The following LAMC1 variants were observed in gnomAD, a reference collection of about 807,000 sequenced individuals.
LAMC1 encodes laminin subunit gamma-1.
Under a neutral mutation model 173.6 loss-of-function variants are expected in LAMC1, and 38 were observed. The ratio of observed to expected loss-of-function variants is 0.22; its 90% CI spans 0.17 to 0.29. The LOEUF is 0.29. LAMC1 is among the 10% of genes least tolerant of loss of function. The pLI is 1.00. For synonymous variants in LAMC1, 746 were observed against 749.1 expected, an observed-to-expected ratio of 1.00 and a Z score of 0.07; for missense variants, 1,824 against 2,051.8, an observed-to-expected ratio of 0.89 and a Z score of 2.14.
At chr1:183,098,302 T>G (rs1219244618) in intron 1 of LAMC1, among the ~76,000 whole-genome samples, 1 of 152,214 alleles carries the variant, frequency 6.6e-6, no homozygotes, top group African/African-American at 2.4e-5. Flanking sequence ...AGTGTTCCAG[T>G]TCTGGTTGTA....
chr1:183,080,453 C>A (rs1189510057), intron 1 of LAMC1, among the ~76,000 whole-genome samples: 1 of 152,098 alleles, frequency 6.6e-6, no homozygotes, highest in African/African-American at 2.4e-5. Flanking sequence ...TGGGGTGGGG[C>A]AGGGTGAGGT....
In LAMC1 at chr1:183,136,426, G is replaced by C. The variant is rs375763700; in HGVS notation, c.4155G>C (p.Glu1385Asp). The C allele has an allele frequency of 5.4e-5, 87 of 1,614,082 alleles. No individual in the cohort carries two copies. Among genetic ancestry groups the C allele is most frequent in the Non-Finnish European group, 7.1e-5 (84 of 1,180,052 alleles). ...RRVNDNKTAA[E>D]EALRKIPAIN... Reference sequence around the variant, plus strand: ...TGAACGATAACAAGACGGCCGCAGAGGAGGCACTAAGGAAGATTCCTGCCA... The same window carrying C: ...TGAACGATAACAAGACGGCCGCAGACGAGGCACTAAGGAAGATTCCTGCCA... The change falls in exon 25 of 28, where the codon GAG becomes GAC. Residue 1385 changes from glutamate to aspartate, a missense_variant. Glu to Asp is a conservative substitution (Grantham distance 45). Coordinates refer to ENST00000258341, the MANE Select transcript of LAMC1 (RefSeq NM_002293.4).
chr1:183,117,582 T>C lies in LAMC1; in HGVS notation c.1736T>C (p.Phe579Ser), dbSNP rs138440968. ...QVLSYGQNLS[F>S]SFRVDRRDTR... is the part of the protein sequence containing the mutation. Reference sequence around the variant, plus strand: ...TTGAGTTATGGTCAGAACCTCTCCTTCTCCTTTCGAGTGGACAGGCGAGAT... The same window carrying C: ...TTGAGTTATGGTCAGAACCTCTCCTCCTCCTTTCGAGTGGACAGGCGAGAT... The change falls in exon 10 of 28, where the codon TTC becomes TCC. Residue 579 changes from phenylalanine to serine, a missense_variant. Transcript: ENST00000258341. The C allele has an allele frequency of 2.5e-6, 4 of 1,614,032 alleles. No individual in the cohort carries two copies. The African/African-American group carries it at 4.0e-5, about 16-fold the overall frequency.
At chr1:183,062,315 G>T (rs1407528164) in intron 1 of LAMC1, among the ~76,000 whole-genome samples, 1 of 152,142 alleles carries the variant, frequency 6.6e-6, no homozygotes, top group Non-Finnish European at 1.5e-5. Flanking sequence ...AACTTTAATA[G>T]CTTTTTAAAT....
chr1:183,105,620 T>A (rs912194924), intron 2 of LAMC1, among the ~76,000 whole-genome samples: 2 of 135,078 alleles, frequency 1.5e-5, no homozygotes, highest in African/African-American at 5.2e-5. Context: ...ATGCTATGGG[T>A]TATGACCTTG....
intron 1 of LAMC1, among the ~76,000 whole-genome samples, chr1:183,073,855 T>A (rs1343766831): frequency 1.3e-5 from 2 of 152,204 alleles, no homozygotes; most frequent in African/African-American, 4.8e-5. Context: ...CAGCTGTGTT[T>A]AGTATGCTTA....
At chr1:183,056,032 T>G (rs1654585859) in intron 1 of LAMC1, among the ~76,000 whole-genome samples, 2 of 152,200 alleles carry the variant, frequency 1.3e-5, no homozygotes. Context: ...ATTTTTATAT[T>G]TCAGTCCTCT....
At chr1:183,140,254 A>AAAAAAAAAG in intron 26 of LAMC1, 150 bp from the exon 27 acceptor site, 1 of 431,826 alleles carries the variant, frequency 2.3e-6, no homozygotes, top group Non-Finnish European at 4.1e-6. Context: ...CCAAAAAAAA[A>AAAAAAAAAG]AAAAAAAAAA....
chr1:183,041,462 T>G (rs564240514), intron 1 of LAMC1, among the ~76,000 whole-genome samples: 99 of 152,312 alleles, frequency 6.5e-4, no homozygotes, highest in Non-Finnish European at 8.8e-4. Context: ...GCACTTGCCT[T>G]TATGTCATTT....
chr1:183,116,741 A>G (rs1656334834), intron 7 of LAMC1, 26 bp from the exon 8 acceptor site: 1 of 1,612,922 alleles, frequency 6.2e-7, no homozygotes, highest in Non-Finnish European at 8.5e-7. Context: ...AAAAAAAGTA[A>G]CTGATTGTGT....
In LAMC1 at chr1:183,122,861, C is replaced by T. The variant is rs138593432; in HGVS notation, c.2401+610C>T. On this transcript the variant is annotated intron_variant, in intron 13 of 27. Transcript: ENST00000258341. The stretch of plus-strand genomic sequence containing the variant: ...ATGAGCCAAATCAGCTCCTGGTAGG[C>T]CTTCTCCAAACAGCTCTTTTTGCCT... Among the ~76,000 whole-genome samples, 4 of 152,200 alleles carry T rather than the reference C, an allele frequency of 2.6e-5. No homozygotes were observed. In the East Asian group the frequency reaches 7.7e-4, roughly 29 times the overall value.
At chr1:183,129,922 G>GT (rs1162782014) in intron 18 of LAMC1, among the ~76,000 whole-genome samples, 1 of 152,122 alleles carries the variant, frequency 6.6e-6, no homozygotes, top group Non-Finnish European at 1.5e-5. Context: ...TTTAAACCTA[G>GT]TTTTTTCTGG....
At chr1:183,077,881 A>G (rs1329311497) in intron 1 of LAMC1, among the ~76,000 whole-genome samples, 2 of 150,990 alleles carry the variant, frequency 1.3e-5, no homozygotes, top group Non-Finnish European at 1.5e-5. Flanking sequence ...TTGTGCTGTT[A>G]TAAAACTGAT....
chr1:183,064,057 A>G (rs1159753319), intron 1 of LAMC1, among the ~76,000 whole-genome samples: 1 of 152,202 alleles, frequency 6.6e-6, no homozygotes, highest in East Asian at 1.9e-4. Flanking sequence ...CAAAGTGGGT[A>G]AACTTTATTA....
chr1:183,115,208 G>A (rs10911252), intron 5 of LAMC1, among the ~76,000 whole-genome samples: 3,861 of 152,198 alleles, frequency 0.025, 156 homozygotes, highest in African/African-American at 0.085. Context: ...GCCTTAAGGG[G>A]CTGTGATCAC....
chr1:183,103,536 C>T lies in LAMC1; in HGVS notation c.627C>T (p.Phe209=). Residue 209 remains phenylalanine, a synonymous_variant, in exon 2 of 28, where the codon TTC becomes TTT. Coordinates refer to ENST00000258341, the MANE Select transcript of LAMC1 (RefSeq NM_002293.4). ...DEQQALCTDE[F]SDISPLTGGN... is the part of the protein sequence containing the mutation. ...AGCAGGCCTTGTGTACTGATGAATT[C>T]AGTGACATTTCTCCCCTCACTGGGG... 6.2e-7 allele frequency: 1 copy of T among 1,613,916 alleles called. No homozygotes were observed. The highest frequency in any genetic ancestry group is 8.5e-7 in the Non-Finnish European group (1 of 1,179,860).
At chr1:183,057,658 G>A (rs185674397) in intron 1 of LAMC1, among the ~76,000 whole-genome samples, 7 of 152,204 alleles carry the variant, frequency 4.6e-5, no homozygotes, top group African/African-American at 1.7e-4. Context: ...CTACTCAGGA[G>A]GCTGAGGCAG....
intron 1 of LAMC1, among the ~76,000 whole-genome samples, chr1:183,065,841 G>C (rs1189238604): frequency 1.3e-5 from 2 of 152,172 alleles, no homozygotes; most frequent in Non-Finnish European, 2.9e-5. Flanking sequence ...TTGCAGCTGG[G>C]TGATTTGGGT....
chr1:183,116,792 G>C lies in LAMC1; in HGVS notation c.1453G>C (p.Glu485Gln). The C allele has an allele frequency of 6.2e-7, 1 of 1,613,986 alleles. No homozygotes were observed. The highest frequency in any genetic ancestry group is 8.5e-7 in the Non-Finnish European group (1 of 1,179,942). The change falls in exon 8 of 28, where the codon GAA becomes CAA. Residue 485 changes from glutamate to glutamine, a missense_variant. By Grantham distance (29) the Glu-to-Gln change is conservative (BLOSUM62 2). Coordinates refer to ENST00000258341, the MANE Select transcript of LAMC1 (RefSeq NM_002293.4). The part of the protein sequence containing the change: ...ERCKPGFFNL[E>Q]SSNPRGCTPC... Reference sequence around the variant, plus strand: ...ATGCAAACCTGGATTTTTTAATCTGGAATCATCTAATCCTCGGGGTTGCAC... The same window carrying C: ...ATGCAAACCTGGATTTTTTAATCTGCAATCATCTAATCCTCGGGGTTGCAC...
Sources: allele counts gnomAD v4.1 joint callset (sites outside exome capture counted in the v4.1 genomes callset), GRCh38; gene constraint gnomAD v4.1.1; transcripts MANE v1.5; gene names NCBI Gene and HGNC (gene_info 2026-07-23, HGNC 2026-07-21).